The following CNTNAP2 variants were observed in gnomAD, a reference collection of about 807,000 sequenced individuals.
CNTNAP2 encodes contactin associated protein 2.
Under a neutral mutation model 155.2 loss-of-function variants are expected in CNTNAP2, and 98 were observed. That is an observed-to-expected ratio of 0.63 (90% CI 0.54 to 0.75). The LOEUF (loss-of-function observed/expected upper bound fraction) is 0.75. Among genes scored for constraint, CNTNAP2 ranks in the 30% least tolerant of loss-of-function variants. The pLI, the probability that CNTNAP2 is intolerant of heterozygous loss-of-function variation, is 0.00. For synonymous variants in CNTNAP2, 651 were observed against 631.2 expected (o/e 1.03, Z -0.47); for missense variants, 1,727 against 1,688.1 (o/e 1.02, Z -0.40).
At position 147,204,508 on chromosome 7, in the gene CNTNAP2, G is replaced by A. The variant is rs186072920; in HGVS notation, c.1348+71999G>A. On this transcript the variant is annotated intron_variant, in intron 8 of 23. Transcript: ENST00000361727. ...TGGGTCTCAAGATGAGGAACACCAT[G>A]CTATATGAAACAGTGAAATCCATAG... is the stretch of plus-strand genomic sequence containing the variant. Among the ~76,000 whole-genome samples the A allele has an allele frequency of 3.4e-3, 516 of 152,170 alleles. 5 individuals carry two copies. Among genetic ancestry groups the A allele is most frequent in the African/African-American group, 0.011 (468 of 41,538 alleles).
At chr7:148,185,397 T>C (rs1795101004) in intron 18 of CNTNAP2, among the ~76,000 whole-genome samples, 1 of 152,238 alleles carries the variant, frequency 6.6e-6, no homozygotes, top group South Asian at 2.1e-4. Flanking sequence ...ATTGAGATCG[T>C]TAGCAAATCA....
rs1805804666 is a variant in CNTNAP2 at position 148,172,144 on chromosome 7, A to G, written c.2774-98A>G. The G allele has an allele frequency of 2.6e-6, 3 of 1,136,988 alleles. No homozygotes were observed. The African/African-American group carries it at 4.6e-5, about 17-fold the overall frequency. 70.4% of individuals were successfully genotyped at this position (1,136,988 alleles called of 1,614,324 possible). ...TGATAGTGACAATACTAGATGTGCT[A>G]TGCAGTGTCATCTCCTACCACAGTT... On this transcript the variant is annotated intron_variant, in intron 17 of 23. Transcript: ENST00000361727.
rs193095999 is a variant in CNTNAP2 at position 147,143,615 on chromosome 7, T to C, written c.1348+11106T>C. Among the ~76,000 whole-genome samples the C allele has an allele frequency of 2.6e-5, 4 of 152,298 alleles. No individual in the cohort carries two copies. The East Asian group carries it at 7.7e-4, about 29-fold the overall frequency. ...ACCAAGATGTTATAAACTATAACTTTACAATTCTGTTATCTTCATCAGTTT... is the reference window on the plus strand; with the variant it reads ...ACCAAGATGTTATAAACTATAACTTCACAATTCTGTTATCTTCATCAGTTT... On this transcript the variant is annotated intron_variant, in intron 8 of 23. Coordinates refer to ENST00000361727, the MANE Select transcript of CNTNAP2 (RefSeq NM_014141.6).
chr7:146,573,395 C>A (rs370830032), intron 1 of CNTNAP2, among the ~76,000 whole-genome samples: 43 of 152,242 alleles, frequency 2.8e-4, no homozygotes, highest in Admixed American at 1.6e-3. Flanking sequence ...CCTGCCTCGA[C>A]CTTCCAAAGT....
At chr7:148,312,666 C>G (rs564325044) in intron 21 of CNTNAP2, among the ~76,000 whole-genome samples, 108 of 152,152 alleles carry the variant, frequency 7.1e-4, no homozygotes, top group Middle Eastern at 3.4e-3. Flanking sequence ...AACCTGTAAG[C>G]CTTGTCTGGT....
chr7:146,292,747 G>A (rs770063102), intron 1 of CNTNAP2, among the ~76,000 whole-genome samples: 1 of 152,118 alleles, frequency 6.6e-6, no homozygotes, highest in South Asian at 2.1e-4. Context: ...ATTGGAAAAC[G>A]TTTTGCTAAG....
At chr7:147,189,298 G>A (rs1802631368) in intron 8 of CNTNAP2, among the ~76,000 whole-genome samples, 1 of 152,032 alleles carries the variant, frequency 6.6e-6, no homozygotes, top group Non-Finnish European at 1.5e-5. Flanking sequence ...ATTACGTTTT[G>A]ACTTCTTTCC....
chr7:146,723,767 G>A (rs1474427374), intron 1 of CNTNAP2, among the ~76,000 whole-genome samples: 1 of 152,162 alleles, frequency 6.6e-6, no homozygotes, highest in African/African-American at 2.4e-5. Flanking sequence ...AAGACATTAT[G>A]AAAGTTGGTT....
At chr7:148,113,674 C>T (rs1164502365) in intron 15 of CNTNAP2, among the ~76,000 whole-genome samples, 2 of 152,212 alleles carry the variant, frequency 1.3e-5, no homozygotes, top group African/African-American at 4.8e-5. Flanking sequence ...GCCCCGCTCT[C>T]CTGCACTAGC....
intron 6 of CNTNAP2, among the ~76,000 whole-genome samples, chr7:147,127,625 A>G (rs576710735): frequency 1.3e-5 from 2 of 152,284 alleles, no homozygotes; most frequent in Non-Finnish European, 2.9e-5. Context: ...AAGTTAACAG[A>G]TTCCTAACCA....
intron 11 of CNTNAP2, among the ~76,000 whole-genome samples, chr7:147,544,216 TA>T (rs1021197353): frequency 6.6e-6 from 1 of 152,144 alleles, no homozygotes; most frequent in Non-Finnish European, 1.5e-5. Context: ...ATTGGCAAAT[TA>T]TGTTTGCAAC....
intron 1 of CNTNAP2, among the ~76,000 whole-genome samples, chr7:146,768,211 C>T (rs546646003): frequency 6.6e-6 from 1 of 151,680 alleles, no homozygotes; most frequent in Non-Finnish European, 1.5e-5. Context: ...CTTCTGCTTC[C>T]CATCCTGCCT....
chr7:148,361,008 C>T (rs1798609572), intron 21 of CNTNAP2, among the ~76,000 whole-genome samples: 1 of 152,024 alleles, frequency 6.6e-6, no homozygotes, highest in Admixed American at 6.5e-5. Flanking sequence ...GGGGTTTCAC[C>T]ATGTTGACCA....
intron 1 of CNTNAP2, among the ~76,000 whole-genome samples, chr7:146,655,248 A>T (rs1466086161): frequency 6.6e-6 from 1 of 151,796 alleles, no homozygotes; most frequent in Non-Finnish European, 1.5e-5. Context: ...CCCTGTCTCT[A>T]CTAAAAATAC....
At chr7:146,978,711 A>AAT (rs1797958673) in intron 3 of CNTNAP2, among the ~76,000 whole-genome samples, 1 of 151,008 alleles carries the variant, frequency 6.6e-6, no homozygotes, top group African/African-American at 2.4e-5. Flanking sequence ...ATATATATAT[A>AAT]ATATATATAT....
intron 15 of CNTNAP2, among the ~76,000 whole-genome samples, chr7:148,080,602 C>A: frequency 8.3e-6 from 1 of 119,888 alleles, no homozygotes; most frequent in South Asian, 3.3e-4. Flanking sequence ...AAGACTCCAT[C>A]TCAAAAAAAA....
At chr7:146,275,781 A>C (rs1800154208) in intron 1 of CNTNAP2, among the ~76,000 whole-genome samples, 2 of 152,224 alleles carry the variant, frequency 1.3e-5, no homozygotes, top group East Asian at 3.8e-4. Flanking sequence ...ATTCTCGTTT[A>C]TAGAACTGGA....
At chr7:146,656,783 C>A (rs1248193588) in intron 1 of CNTNAP2, among the ~76,000 whole-genome samples, 1 of 152,184 alleles carries the variant, frequency 6.6e-6, no homozygotes, top group Non-Finnish European at 1.5e-5. Context: ...AAATTATAAA[C>A]ACCTTAATCA....
In CNTNAP2 at chr7:147,467,718, T is replaced by C. The variant is rs75396357; in HGVS notation, c.1671-18217T>C. Among the ~76,000 whole-genome samples, 347 of 152,308 alleles carry C rather than the reference T, an allele frequency of 2.3e-3. 1 individual carries two copies. The highest frequency in any genetic ancestry group is 7.9e-3 in the African/African-American group (329 of 41,574). ...TATATTATCCAATAACAATTACTCA[T>C]ACTAGTAATTTCTTTAAGAAAGAAC... On this transcript the variant is annotated intron_variant, in intron 10 of 23. Transcript: ENST00000361727.
Sources: allele counts gnomAD v4.1 joint callset (sites outside exome capture counted in the v4.1 genomes callset), GRCh38; gene constraint gnomAD v4.1.1; transcripts MANE v1.5; gene names NCBI Gene and HGNC (gene_info 2026-07-23, HGNC 2026-07-21).